Variants in MFHAS1 observed in about 807,000 individuals in gnomAD.
MFHAS1 encodes malignant fibrous histiocytoma-amplified sequence 1.
MFHAS1 carries 50 observed loss-of-function variants against 70.4 expected under a neutral mutation model. The observed-to-expected ratio is 0.71, with a 90% CI of 0.57 to 0.90. The LOEUF is 0.90. MFHAS1 is among the 40% of genes least tolerant of loss of function. MFHAS1 has a pLI of 0.00. For missense variants in MFHAS1, 1,795 were observed against 1,347.6 expected (o/e 1.33, Z -5.20); for synonymous variants, 952 against 620.0 (o/e 1.54, Z -7.96).
chr8:8,866,109 C>G (rs1261869349), intron 1 of MFHAS1, among the ~76,000 whole-genome samples: 1 of 152,136 alleles, frequency 6.6e-6, no homozygotes, highest in Non-Finnish European at 1.5e-5. Context: ...TTTTATTATT[C>G]TCTTTTTCTA....
Position 8,798,076 on chromosome 8 carries a change from C to G in MFHAS1, c.2999-585G>C, listed in dbSNP as rs184878788. On this transcript the variant is annotated intron_variant, in intron 1 of 2. Coordinates refer to ENST00000276282, the MANE Select transcript of MFHAS1 (RefSeq NM_004225.3). ...CACGACACAACACTATCTAACGAGT[C>G]TAGCAAAAACACATAATTAACCTAA... Among the ~76,000 whole-genome samples, 6 of 152,306 alleles carry G rather than the reference C, an allele frequency of 3.9e-5. No individual in the cohort carries two copies. The East Asian group carries it at 9.6e-4, about 24-fold the overall frequency.
In MFHAS1 at chr8:8,891,034, C is replaced by T; in HGVS notation, c.2025G>A (p.Gln675=). 1.9e-6 allele frequency: 3 copies of T among 1,613,752 alleles called. No individual in the cohort carries two copies. Among genetic ancestry groups the T allele is most frequent in the Non-Finnish European group, 2.5e-6 (3 of 1,179,914 alleles). Reference sequence around the variant, plus strand: ...ACCAGCTTAGCCACAGTCGCTGGGCCTGAGGTGGCTGGAAATGCAGTTCCT... The same window carrying T: ...ACCAGCTTAGCCACAGTCGCTGGGCTTGAGGTGGCTGGAAATGCAGTTCCT... ...VLEELHFQPP[Q]AQRLWLSWWD... is the part of the protein sequence containing the mutation. The change falls in exon 1 of 3, where the codon CAG becomes CAA. Residue 675 remains glutamine, a synonymous_variant. Coordinates refer to ENST00000276282, the MANE Select transcript of MFHAS1 (RefSeq NM_004225.3). The surrounding 1 kb of genome is among the most constrained non-coding windows in gnomAD (Gnocchi z 5.4).
At chr8:8,797,226 C>G in intron 2 of MFHAS1, 139 bp downstream of exon 2, 1 of 845,500 alleles carries the variant, frequency 1.2e-6, no homozygotes, top group Non-Finnish European at 1.7e-6. Flanking sequence ...ATGCTGATGT[C>G]ATCCAGAAGA....
At chr8:8,817,598 G>T (rs570053416) in intron 1 of MFHAS1, among the ~76,000 whole-genome samples, 10 of 152,330 alleles carry the variant, frequency 6.6e-5, no homozygotes, top group South Asian at 2.1e-4. Context: ...CAGATGGGGG[G>T]GCTCTCGCCC....
At chr8:8,843,787 G>A (rs1053207717) in intron 1 of MFHAS1, among the ~76,000 whole-genome samples, 1 of 152,132 alleles carries the variant, frequency 6.6e-6, no homozygotes, top group Non-Finnish European at 1.5e-5. Flanking sequence ...CTATCTTACA[G>A]GCTGGAAAAG....
intron 1 of MFHAS1, among the ~76,000 whole-genome samples, chr8:8,860,844 G>T (rs897430294): frequency 6.6e-6 from 1 of 152,112 alleles, no homozygotes; most frequent in African/African-American, 2.4e-5. Flanking sequence ...TTAAATCATT[G>T]GTCTCGTTTC....
rs746585154 is a variant in MFHAS1, at chr8:8,786,067, G to C, written c.3126-12C>G. 6 of 1,613,328 alleles carry C rather than the reference G, an allele frequency of 3.7e-6. No individual in the cohort carries two copies. In the African/African-American group the frequency reaches 4.0e-5, roughly 11 times the overall value. ...CACCAACATTCTTCCTGTATGGGTG[G>C]ACAACAAGAAAGCACAGAGATGACA... On this transcript the variant is annotated splice_polypyrimidine_tract_variant and intron_variant, in intron 2 of 2. Transcript: ENST00000276282.
chr8:8,859,834 T>C (rs1808594670), intron 1 of MFHAS1, among the ~76,000 whole-genome samples: 1 of 152,208 alleles, frequency 6.6e-6, no homozygotes, highest in African/African-American at 2.4e-5. Flanking sequence ...AAGTTAGATG[T>C]TCAACTGAAT....
chr8:8,854,838 T>A (rs1808376155), intron 1 of MFHAS1, among the ~76,000 whole-genome samples: 1 of 152,202 alleles, frequency 6.6e-6, no homozygotes, highest in Non-Finnish European at 1.5e-5. Context: ...AGCAACACTT[T>A]ATTGTTTATC....
intron 2 of MFHAS1, among the ~76,000 whole-genome samples, chr8:8,788,660 C>G (rs1452522845): frequency 6.6e-6 from 1 of 152,232 alleles, no homozygotes; most frequent in African/African-American, 2.4e-5. Context: ...GCCTGGGTGA[C>G]AGACCAAGAC....
chr8:8,789,415 A>G (rs1432417071), intron 2 of MFHAS1, among the ~76,000 whole-genome samples: 1 of 152,160 alleles, frequency 6.6e-6, no homozygotes, highest in Non-Finnish European at 1.5e-5. Context: ...ACAGACATCC[A>G]GGGATGATGC....
chr8:8,813,260 G>A (rs761987873), intron 1 of MFHAS1, among the ~76,000 whole-genome samples: 4 of 152,180 alleles, frequency 2.6e-5, no homozygotes, highest in Non-Finnish European at 5.9e-5. Context: ...ATACAATTAT[G>A]TACAGTATAT....
Position 8,892,652 on chromosome 8 carries a change from T to C in MFHAS1, c.407A>G (p.Glu136Gly). 6.3e-7 allele frequency: 1 copy of C among 1,592,906 alleles called. No individual in the cohort carries two copies. The highest frequency in any genetic ancestry group is 8.5e-7 in the Non-Finnish European group (1 of 1,170,540). Reference sequence around the variant, plus strand: ...GTGGCTGAGGTTGAGCTTCCGCAGCTCCCTCAGAGCACTCACCACCTCCGC... The same window carrying C: ...GTGGCTGAGGTTGAGCTTCCGCAGCCCCCTCAGAGCACTCACCACCTCCGC... Reference protein sequence around the residue: ...LGAEVVSALRELRKLNLSHNQ... With the variant: ...LGAEVVSALRGLRKLNLSHNQ... The change falls in exon 1 of 3, where the codon GAG (glutamate) becomes GGG (glycine). Residue 136 changes from glutamate to glycine, a missense_variant. Transcript: ENST00000276282. The surrounding 1 kb of genome is among the most constrained non-coding windows in gnomAD (Gnocchi z 4.7).
At chr8:8,867,822 G>A (rs559391840) in intron 1 of MFHAS1, among the ~76,000 whole-genome samples, 4 of 152,224 alleles carry the variant, frequency 2.6e-5, no homozygotes, top group South Asian at 2.1e-4. Context: ...CTCCCAAAGT[G>A]CTGGGATTAC....
At chr8:8,865,031 T>C (rs1026869586) in intron 1 of MFHAS1, among the ~76,000 whole-genome samples, 1 of 152,000 alleles carries the variant, frequency 6.6e-6, no homozygotes, top group Non-Finnish European at 1.5e-5. Flanking sequence ...ATCCCAGCAC[T>C]TGAGGAGGGC....
At chr8:8,809,971 G>A (rs1349486520) in intron 1 of MFHAS1, among the ~76,000 whole-genome samples, 2 of 152,172 alleles carry the variant, frequency 1.3e-5, no homozygotes, top group Admixed American at 6.5e-5. Flanking sequence ...AAAATAGGAC[G>A]AACCCTTATG....
At position 8,890,178 on chromosome 8, in the gene MFHAS1, G is replaced by A. The variant is rs779156818; in HGVS notation, c.2881C>T (p.Pro961Ser). The A allele has an allele frequency of 6.2e-7, 1 of 1,614,152 alleles. No individual in the cohort carries two copies. Among genetic ancestry groups the A allele is most frequent in the South Asian group, 1.1e-5 (1 of 91,082 alleles). The change falls in exon 1 of 3, where the codon CCC (proline) becomes TCC (serine). Residue 961 changes from proline to serine, a missense_variant. Physicochemically the swap from Pro to Ser is moderately conservative, Grantham distance 74. Coordinates refer to ENST00000276282, the MANE Select transcript of MFHAS1 (RefSeq NM_004225.3). ...AGGACATTCAGTTCCTCCACCAAGGGGGTTATGGCTTGCCATGCGGTCCAT... is the reference window on the plus strand; with the variant it reads ...AGGACATTCAGTTCCTCCACCAAGGAGGTTATGGCTTGCCATGCGGTCCAT... ...NIWTAWQAITPLVEELNVLLQ... is the reference protein window; with the variant it reads ...NIWTAWQAITSLVEELNVLLQ...
intron 1 of MFHAS1, among the ~76,000 whole-genome samples, chr8:8,818,655 C>A (rs143110727): frequency 1.7e-3 from 257 of 152,338 alleles, no homozygotes; most frequent in African/African-American, 5.8e-3. Context: ...AGGCTTGGCA[C>A]ATAATAGCAA....
At position 8,892,504 on chromosome 8, in the gene MFHAS1, G is replaced by A; in HGVS notation, c.555C>T (p.Thr185=). The part of the protein sequence containing the change: ...DSLSCLSRLR[T]LDVDHNQLTA... ...TGAGCTGGTTGTGATCCACGTCCAG[G>A]GTGCGCAGGCGGGAGAGGCAGGAGA... The change falls in exon 1 of 3, where the codon ACC becomes ACT. Residue 185 remains threonine, a synonymous_variant. Coordinates refer to ENST00000276282, the MANE Select transcript of MFHAS1 (RefSeq NM_004225.3). This position sits in a 1 kb window ranked among gnomAD's most constrained non-coding sequence, Gnocchi z 4.7. The A allele has an allele frequency of 1.2e-6, 2 of 1,604,540 alleles. No individual in the cohort carries two copies. Among genetic ancestry groups the A allele is most frequent in the Non-Finnish European group, 8.5e-7 (1 of 1,175,632 alleles).
Sources: gnomAD v4.1 joint callset for allele counts (sites outside exome capture counted in the v4.1 genomes callset) on GRCh38, gnomAD v4.1.1 for gene constraint, Gnocchi (gnomAD v3.1) non-coding constraint, MANE v1.5 for transcripts, NCBI Gene and HGNC (gene_info 2026-07-23, HGNC 2026-07-21) for gene names.